The following PDE4D variants were observed in gnomAD, a reference collection of about 807,000 sequenced individuals.
PDE4D encodes the protein 3',5'-cyclic-AMP phosphodiesterase 4D.
A neutral mutation model predicts 87.4 loss-of-function variants in PDE4D; 24 were observed. The ratio of observed to expected loss-of-function variants is 0.27; its 90% CI spans 0.20 to 0.39. The LOEUF is 0.39. PDE4D is among the 10% of genes least tolerant of loss of function. The probability of loss-of-function intolerance (pLI) is 1.00; values close to 1 mark genes in which losing one functional copy is unlikely to be tolerated. For missense variants in PDE4D, 714 were observed against 1,041.0 expected, an observed-to-expected ratio of 0.69 and a Z score of 4.32; for synonymous variants, 384 against 383.2, an observed-to-expected ratio of 1.00 and a Z score of -0.02.
At chr5:59,491,989 C>T (rs1173319083) in intron 1 of PDE4D, among the ~76,000 whole-genome samples, 1 of 152,158 alleles carries the variant, frequency 6.6e-6, no homozygotes, top group Non-Finnish European at 1.5e-5. Flanking sequence ...GGAGTCTTCT[C>T]AGCTAAGTCT....
At chr5:59,433,834 G>A (rs141348081) in intron 1 of PDE4D, among the ~76,000 whole-genome samples, 1 of 152,178 alleles carries the variant, frequency 6.6e-6, no homozygotes, top group African/African-American at 2.4e-5. Context: ...TATGCTAGAC[G>A]TTGCAACGTT....
chr5:59,185,992 T>C (rs1158239015), intron 3 of PDE4D, among the ~76,000 whole-genome samples: 2 of 152,152 alleles, frequency 1.3e-5, no homozygotes, highest in African/African-American at 4.8e-5. Context: ...TAATTCCAGT[T>C]GGAACTAGAA....
intron 2 of PDE4D, among the ~76,000 whole-genome samples, chr5:60,163,207 T>G (rs1268816394): frequency 6.6e-6 from 1 of 152,082 alleles, no homozygotes; most frequent in East Asian, 1.9e-4. Flanking sequence ...CTACAACACA[T>G]AAGCGTGTTT....
At chr5:60,035,067 C>A (rs1767640712) in intron 2 of PDE4D, among the ~76,000 whole-genome samples, 1 of 152,076 alleles carries the variant, frequency 6.6e-6, no homozygotes, top group Admixed American at 6.6e-5. Context: ...ACCAGCCTGG[C>A]CAACATGGCG....
intron 3 of PDE4D, among the ~76,000 whole-genome samples, chr5:59,933,796 A>ATATATATATATATATATAT (rs1756258464): frequency 6.6e-6 from 1 of 150,464 alleles, no homozygotes; most frequent in African/African-American, 2.5e-5. Context: ...ATATATTAAT[A>ATATATATATATATATATAT]AGCATTCATA....
At chr5:59,015,443 C>T (rs1753769151) in intron 6 of PDE4D, among the ~76,000 whole-genome samples, 1 of 152,080 alleles carries the variant, frequency 6.6e-6, no homozygotes, top group East Asian at 1.9e-4. Flanking sequence ...ATCAAACAAC[C>T]CCATCAAAAA....
intron 3 of PDE4D, among the ~76,000 whole-genome samples, chr5:59,978,351 A>C (rs1761554519): frequency 1.3e-5 from 2 of 152,182 alleles, no homozygotes; most frequent in African/African-American, 4.8e-5. Context: ...AGTTTGGAAG[A>C]AATTGATTCC....
intron 2 of PDE4D, among the ~76,000 whole-genome samples, chr5:60,082,689 G>C (rs1452266992): frequency 6.6e-6 from 1 of 152,186 alleles, no homozygotes; most frequent in Non-Finnish European, 1.5e-5. Flanking sequence ...GAGCCAGGAA[G>C]TGCAATTCTA....
intron 3 of PDE4D, among the ~76,000 whole-genome samples, chr5:59,946,384 C>T (rs1193353776): frequency 2.0e-5 from 3 of 152,100 alleles, no homozygotes; most frequent in Non-Finnish European, 2.9e-5. Flanking sequence ...ACAGGGAGGT[C>T]GGGAATTAGT....
intron 2 of PDE4D, among the ~76,000 whole-genome samples, chr5:60,058,232 T>C (rs1770996861): frequency 5.3e-5 from 8 of 151,972 alleles, no homozygotes; most frequent in Admixed American, 5.3e-4. Flanking sequence ...CTGAGTATGA[T>C]TAAAAACAGT....
At chr5:60,475,421 G>T (rs1010778700) in intron 1 of PDE4D, among the ~76,000 whole-genome samples, 8 of 152,096 alleles carry the variant, frequency 5.3e-5, no homozygotes, top group Admixed American at 2.6e-4. Context: ...CCTTCAAGGA[G>T]AATAAGGAGA....
intron 2 of PDE4D, among the ~76,000 whole-genome samples, chr5:60,007,642 T>C (rs531046875): frequency 6.6e-6 from 1 of 152,170 alleles, no homozygotes; most frequent in East Asian, 1.9e-4. Context: ...TATGTCACTG[T>C]CTGATAGGCT....
At position 59,052,838 on chromosome 5, in the gene PDE4D, T is replaced by C. The variant is rs556627586; in HGVS notation, c.809-13867A>G. 2.6e-5 allele frequency among the ~76,000 whole-genome samples: 4 copies of C among 152,366 alleles called. No homozygotes were observed. In the East Asian group the frequency reaches 7.7e-4, roughly 29 times the overall value. ...TAAAAATCATATATTCATATCTCTA[T>C]CTTTTTTGGCGGTTCAGTTCAACTT... On this transcript the variant is annotated intron_variant, in intron 5 of 14. Coordinates refer to ENST00000340635, the MANE Select transcript of PDE4D (RefSeq NM_001104631.2).
chr5:59,311,972 G>A (rs2153566441), intron 1 of PDE4D, among the ~76,000 whole-genome samples: 1 of 152,152 alleles, frequency 6.6e-6, no homozygotes, highest in East Asian at 1.9e-4. Context: ...GAAGCCAAAA[G>A]GAAAAACTAC....
chr5:59,101,007 A>C (rs919930951), intron 5 of PDE4D, among the ~76,000 whole-genome samples: 1 of 152,160 alleles, frequency 6.6e-6, no homozygotes, highest in African/African-American at 2.4e-5. Context: ...ACAGTGAACA[A>C]TGGTCCTGTC....
intron 1 of PDE4D, among the ~76,000 whole-genome samples, chr5:59,763,165 A>T (rs1762378891): frequency 6.6e-6 from 1 of 151,652 alleles, no homozygotes. Flanking sequence ...CATTTTAAAA[A>T]TCTGAGTCTG....
intron 5 of PDE4D, among the ~76,000 whole-genome samples, chr5:59,120,340 T>C (rs1447818240): frequency 6.6e-6 from 1 of 152,208 alleles, no homozygotes; most frequent in Non-Finnish European, 1.5e-5. Context: ...AGTCAAGTGG[T>C]AGCCCCATGA....
intron 1 of PDE4D, among the ~76,000 whole-genome samples, chr5:60,234,468 A>C (rs1746190448): frequency 6.6e-6 from 1 of 151,802 alleles, no homozygotes; most frequent in Admixed American, 6.6e-5. Context: ...AGGGAGTACA[A>C]AAACTGCTGG....
Position 60,218,241 on chromosome 5 carries a change from A to G in PDE4D, c.-89-32554T>C, listed in dbSNP as rs562084025. Among the ~76,000 whole-genome samples the G allele has an allele frequency of 2.6e-5, 4 of 152,190 alleles. No homozygotes were observed. The South Asian group carries it at 8.3e-4, about 32-fold the overall frequency. On this transcript the variant is annotated intron_variant, in intron 1 of 16. Transcript: ENST00000502484. The stretch of plus-strand genomic sequence containing the variant: ...TACACATGAATCTCACAAACACAAT[A>G]TTGAGCAAAAGAAAGCAAATATAAG...
Sources: gnomAD v4.1 joint callset for allele counts (sites outside exome capture counted in the v4.1 genomes callset) on GRCh38, gnomAD v4.1.1 for gene constraint, MANE v1.5 for transcripts, NCBI Gene and HGNC (gene_info 2026-07-23, HGNC 2026-07-21) for gene names.